ADAMTSL1: variants seen among roughly 807,000 people sequenced by gnomAD.
ADAMTSL1 encodes the protein ADAMTS-like protein 1.
A neutral mutation model predicts 201.8 loss-of-function variants in ADAMTSL1; 126 were observed. The observed-to-expected ratio is 0.62, with a 90% CI of 0.54 to 0.72. ADAMTSL1 has a LOEUF of 0.72. ADAMTSL1 is among the 30% of genes least tolerant of loss of function. The probability of loss-of-function intolerance (pLI) is 0.00; values close to 1 mark genes in which losing one functional copy is unlikely to be tolerated. For synonymous variants in ADAMTSL1, 1,121 were observed against 903.4 expected (o/e 1.24, Z -4.32); for missense variants, 2,679 against 2,277.8 (o/e 1.18, Z -3.59).
intron 15 of ADAMTSL1, among the ~76,000 whole-genome samples, chr9:18,735,748 C>CTTTTCTTTTCT (rs762386875): frequency 0.013 from 1,433 of 106,686 alleles, 27 homozygotes; most frequent in Middle Eastern, 0.029. Context: ...ATTCTTTTTT[C>CTTTTCTTTTCT]TTTTTTTTTT....
At chr9:18,287,357 A>ACACGTGTGTG (rs1355996652) in intron 2 of ADAMTSL1, among the ~76,000 whole-genome samples, 9 of 152,032 alleles carry the variant, frequency 5.9e-5, no homozygotes, top group African/African-American at 2.2e-4. Context: ...ATACACATAC[A>ACACGTGTGTG]TACATATACA....
At chr9:17,918,706 G>C (rs918884702) in intron 1 of ADAMTSL1, among the ~76,000 whole-genome samples, 10 of 151,596 alleles carry the variant, frequency 6.6e-5, no homozygotes, top group African/African-American at 9.7e-5. Flanking sequence ...TGATACCATT[G>C]TTCAAGTCTT....
chr9:18,568,566 C>T (rs908035770), intron 3 of ADAMTSL1, among the ~76,000 whole-genome samples: 5 of 152,036 alleles, frequency 3.3e-5, no homozygotes, highest in East Asian at 1.9e-4. Context: ...CGTGGTTATC[C>T]GCAGTTGTTG....
rs568375557 is a variant in ADAMTSL1, at chr9:18,332,969, T to A, written c.207+168988T>A. Among the ~76,000 whole-genome samples, 12 of 152,288 alleles carry A rather than the reference T, an allele frequency of 7.9e-5. No homozygotes were observed. In the East Asian group the frequency reaches 2.3e-3, roughly 30 times the overall value. On this transcript the variant is annotated intron_variant, in intron 2 of 29. Coordinates refer to the ADAMTSL1 transcript ENST00000680146. ...GCGTATGAGGAATAAAATGGTATTA[T>A]GTACAAGAAGCACCCAACCATTGTT...
intron 16 of ADAMTSL1, among the ~76,000 whole-genome samples, chr9:18,759,535 C>T (rs566288152): frequency 3.3e-5 from 5 of 152,032 alleles, no homozygotes; most frequent in African/African-American, 1.2e-4. Context: ...ATTTTCTGTC[C>T]CAGGGAGGAA....
At chr9:18,441,194 G>A (rs572034057) in intron 2 of ADAMTSL1, among the ~76,000 whole-genome samples, 68 of 151,788 alleles carry the variant, frequency 4.5e-4, no homozygotes, top group African/African-American at 1.1e-3. Flanking sequence ...TTTCTTTTGG[G>A]GGTAATAAGA....
intron 2 of ADAMTSL1, among the ~76,000 whole-genome samples, chr9:18,257,450 A>G (rs1197923204): frequency 1.3e-5 from 2 of 152,244 alleles, no homozygotes; most frequent in Admixed American, 6.5e-5. Context: ...AAAATGTACA[A>G]TAACACAACA....
intron 3 of ADAMTSL1, among the ~76,000 whole-genome samples, chr9:18,566,259 GTC>G (rs1821885098): frequency 6.6e-6 from 1 of 152,120 alleles, no homozygotes; most frequent in Admixed American, 6.6e-5. Flanking sequence ...AAAATATGAC[GTC>G]TGTTTCCTTT....
At chr9:18,243,885 C>T (rs1347958167) in intron 2 of ADAMTSL1, among the ~76,000 whole-genome samples, 2 of 151,040 alleles carry the variant, frequency 1.3e-5, no homozygotes, top group East Asian at 3.9e-4. Flanking sequence ...GTACCAGTGG[C>T]ACCAACTTAG....
chr9:18,479,093 T>C lies in ADAMTSL1; in HGVS notation c.63+4798T>C, dbSNP rs138478122. 2.0e-5 allele frequency among the ~76,000 whole-genome samples: 3 copies of C among 152,306 alleles called. No individual in the cohort carries two copies. In the East Asian group the frequency reaches 5.8e-4, roughly 29 times the overall value. ...CCTGCCTGCTAACTGGGGTAAGCTG[T>C]TGCTATCAACCCCTTCTTTCCATGA... On this transcript the variant is annotated intron_variant, in intron 1 of 28. Transcript: ENST00000380548.
intron 2 of ADAMTSL1, among the ~76,000 whole-genome samples, chr9:18,451,779 A>G (rs1820415876): frequency 6.6e-6 from 1 of 152,220 alleles, no homozygotes. Context: ...AAGAAGAGAG[A>G]TTTATTTCTT....
At chr9:18,888,656 G>T (rs1829052487) in intron 24 of ADAMTSL1, among the ~76,000 whole-genome samples, 1 of 152,214 alleles carries the variant, frequency 6.6e-6, no homozygotes, top group African/African-American at 2.4e-5. Context: ...GGCCCAATCA[G>T]TGGGAAAGAG....
rs115678280 is a variant in ADAMTSL1 at position 18,055,804 on chromosome 9, T to C, written c.88-108058T>C. On this transcript the variant is annotated intron_variant, in intron 1 of 29. Coordinates refer to the ADAMTSL1 transcript ENST00000680146. Reference sequence around the variant, plus strand: ...GCTCTGGTTTTGGCTTTAAATTTCCTATATTTTACAAGTCCAAGTTATTCG... The same window carrying C: ...GCTCTGGTTTTGGCTTTAAATTTCCCATATTTTACAAGTCCAAGTTATTCG... 2.4e-3 allele frequency among the ~76,000 whole-genome samples: 369 copies of C among 152,366 alleles called. 2 individuals carry two copies. The highest frequency in any genetic ancestry group is 8.4e-3 in the African/African-American group (349 of 41,588).
intron 2 of ADAMTSL1, among the ~76,000 whole-genome samples, chr9:18,259,357 C>G (rs551198018): frequency 6.6e-6 from 1 of 152,018 alleles, no homozygotes; most frequent in Non-Finnish European, 1.5e-5. Flanking sequence ...AAACCCGTCT[C>G]TACAAAAAGT....
At chr9:18,065,188 A>G (rs1822639717) in intron 1 of ADAMTSL1, among the ~76,000 whole-genome samples, 1 of 152,028 alleles carries the variant, frequency 6.6e-6, no homozygotes, top group Non-Finnish European at 1.5e-5. Flanking sequence ...TATATACCAC[A>G]CTGATTCACA....
chr9:18,108,896 G>A (rs895644736), intron 1 of ADAMTSL1, among the ~76,000 whole-genome samples: 2 of 152,052 alleles, frequency 1.3e-5, no homozygotes, highest in Non-Finnish European at 2.9e-5. Flanking sequence ...AGTTACCTGT[G>A]AAAGCATTGT....
chr9:18,317,006 G>A (rs908718922), intron 2 of ADAMTSL1, among the ~76,000 whole-genome samples: 2 of 152,168 alleles, frequency 1.3e-5, no homozygotes, highest in African/African-American at 2.4e-5. Flanking sequence ...GAGTGGATAG[G>A]AAATTGTGGA....
At chr9:18,756,304 A>T (rs1448020165) in intron 16 of ADAMTSL1, among the ~76,000 whole-genome samples, 1 of 138,220 alleles carries the variant, frequency 7.2e-6, no homozygotes, top group Non-Finnish European at 1.6e-5. Flanking sequence ...AAAAAAAAAA[A>T]ATCTTTGATC....
At chr9:18,659,080 A>C (rs145157065) in intron 8 of ADAMTSL1, among the ~76,000 whole-genome samples, 220 of 152,362 alleles carry the variant, frequency 1.4e-3, no homozygotes, top group African/African-American at 5.0e-3. Flanking sequence ...TTCTTTTGAA[A>C]ATTAGCACAT....
Sources: allele counts gnomAD v4.1 joint callset (sites outside exome capture counted in the v4.1 genomes callset), GRCh38; gene constraint gnomAD v4.1.1; transcripts MANE v1.5; gene names NCBI Gene and HGNC (gene_info 2026-07-23, HGNC 2026-07-21).